Variants in CR1 observed in about 807,000 individuals in gnomAD.
CR1 encodes the protein complement C3b/C4b receptor 1 (Knops blood group).
Under a neutral mutation model 187.3 loss-of-function variants are expected in CR1, and 116 were observed. The ratio of observed to expected loss-of-function variants is 0.62; its 90% CI spans 0.53 to 0.72. The LOEUF (loss-of-function observed/expected upper bound fraction) is 0.72. Among genes scored for constraint, CR1 ranks in the 30% least tolerant of loss-of-function variants. The pLI is 0.00. For synonymous variants in CR1, 576 were observed against 747.1 expected (o/e 0.77, Z 3.73); for missense variants, 1,731 against 2,110.7 (o/e 0.82, Z 3.52).
intron 28 of CR1, among the ~76,000 whole-genome samples, chr1:207,576,183 C>A (rs924987378): frequency 6.6e-6 from 1 of 152,186 alleles, no homozygotes; most frequent in Non-Finnish European, 1.5e-5. Context: ...CAATTGCAAG[C>A]TAACAGGGAA....
At chr1:207,577,535 C>A (rs779127253) in intron 28 of CR1, among the ~76,000 whole-genome samples, 1 of 152,020 alleles carries the variant, frequency 6.6e-6, no homozygotes, top group Non-Finnish European at 1.5e-5. Flanking sequence ...TTTGAAAGGC[C>A]GAGGCAGGCG....
chr1:207,578,300 A>G, intron 29 of CR1, 97 bp downstream of exon 29: 1 of 1,602,986 alleles, frequency 6.2e-7, no homozygotes, highest in Non-Finnish European at 8.5e-7. Context: ...ATGTATGGTG[A>G]GGAGGGTGGG....
intron 35 of CR1, among the ~76,000 whole-genome samples, chr1:207,604,737 A>T (rs1661697519): frequency 6.6e-6 from 1 of 152,208 alleles, no homozygotes; most frequent in Admixed American, 6.5e-5. Flanking sequence ...GTGCCTTAAA[A>T]TACCTTCCAA....
chr1:207,501,599 A>G (rs1659271953), intron 1 of CR1, among the ~76,000 whole-genome samples: 1 of 152,170 alleles, frequency 6.6e-6, no homozygotes, highest in African/African-American at 2.4e-5. Context: ...TTTGCTTTTT[A>G]TAATTACCTA....
chr1:207,611,832 C>A lies in CR1; in HGVS notation c.6451C>A (p.Pro2151Thr). 6.2e-7 allele frequency: 1 copy of A among 1,613,974 alleles called. No individual in the cohort carries two copies. Among genetic ancestry groups the A allele is most frequent in the Non-Finnish European group, 8.5e-7 (1 of 1,179,886 alleles). The change falls in exon 38 of 47, where the codon CCT (proline) becomes ACT (threonine). Residue 2151 changes from proline to threonine, a missense_variant. Physicochemically the swap from Pro to Thr is conservative, Grantham distance 38. Transcript: ENST00000367049. ...CTGCACGCCCCAGGGAGACTGGAGC[C>A]CTGAAGCCCCTAGATGTACAGGTGC... ...LHCTPQGDWS[P>T]EAPRCTVKSC...
At chr1:207,607,129 C>T (rs572917227) in intron 35 of CR1, 122 bp from the exon 36 acceptor site, 261 of 667,346 alleles carry the variant, frequency 3.9e-4, no homozygotes, top group African/African-American at 3.2e-3. Flanking sequence ...TTCTTCCTTC[C>T]GAGGTCTGCC....
At chr1:207,515,084 C>T (rs1286280785) in intron 4 of CR1, among the ~76,000 whole-genome samples, 11 of 135,530 alleles carry the variant, frequency 8.1e-5, no homozygotes, top group Admixed American at 3.8e-4. Flanking sequence ...CGTATGCATA[C>T]GTGTATGTAT....
In CR1 at chr1:207,607,288, G is replaced by T. The variant is rs749631959; in HGVS notation, c.5848G>T (p.Val1950Phe). 30 of 1,613,460 alleles carry T rather than the reference G, an allele frequency of 1.9e-5. No individual in the cohort carries two copies. Among genetic ancestry groups the T allele is most frequent in the Non-Finnish European group, 2.5e-5 (30 of 1,179,534 alleles). Residue 1950 changes from valine (V) to phenylalanine (F), a missense_variant, in exon 36 of 47, where the codon GTC becomes TTC. This residue lies in a region of CR1 where 1,312 missense variants were observed against 1,379.6 expected (regional missense o/e 0.95). Coordinates refer to ENST00000367049, the MANE Select transcript of CR1 (RefSeq NM_000651.6). ...LIGSPSTTCL[V>F]SGNNVTWDKK... ...TGGTTCCCCATCTACTACTTGTCTC[G>T]TCTCAGGCAATAATGTCACATGGGA...
At chr1:207,513,762 C>CACTTCCTTCCTT (rs1659698379) in intron 4 of CR1, among the ~76,000 whole-genome samples, 1 of 99,138 alleles carries the variant, frequency 1.0e-5, no homozygotes, top group Non-Finnish European at 2.0e-5. Flanking sequence ...CTCCCTCCCT[C>CACTTCCTTCCTT]CCTTCCTTCC....
chr1:207,526,540 C>T (rs912562262), intron 5 of CR1, among the ~76,000 whole-genome samples: 1 of 151,410 alleles, frequency 6.6e-6, no homozygotes, highest in Non-Finnish European at 1.5e-5. Flanking sequence ...GGAGATACCT[C>T]TGTTTTAGTC....
chr1:207,566,188 T>C (rs974115876), intron 24 of CR1, among the ~76,000 whole-genome samples: 2 of 150,240 alleles, frequency 1.3e-5, no homozygotes, highest in Non-Finnish European at 2.9e-5. Flanking sequence ...AGAGATTAGA[T>C]AATGTGAAGC....
At chr1:207,514,233 C>T (rs1659715048) in intron 4 of CR1, among the ~76,000 whole-genome samples, 1 of 152,058 alleles carries the variant, frequency 6.6e-6, no homozygotes, top group Non-Finnish European at 1.5e-5. Flanking sequence ...GGCAAATATG[C>T]TTTTATGATA....
chr1:207,609,313 A>G lies in CR1; in HGVS notation c.5920A>G (p.Thr1974Ala). The change falls in exon 37 of 47, where the codon ACC becomes GCC. Residue 1974 changes from threonine to alanine, a missense_variant. Physicochemically the swap from Thr to Ala is moderately conservative, Grantham distance 58. Around this residue, in one of 5 missense-constraint regions of CR1, gnomAD observed 1,312 missense variants for 1,379.6 expected, o/e 0.95. Coordinates refer to ENST00000367049, the MANE Select transcript of CR1 (RefSeq NM_000651.6). ...CEIISCEPPP[T>A]ISNGDFYSNN... ...AGTCATATCTTGTGAGCCACCTCCAACCATATCCAATGGAGACTTCTACAG... is the reference window on the plus strand; with the variant it reads ...AGTCATATCTTGTGAGCCACCTCCAGCCATATCCAATGGAGACTTCTACAG... 1.2e-6 allele frequency: 2 copies of G among 1,613,574 alleles called. No individual in the cohort carries two copies. The highest frequency in any genetic ancestry group is 1.7e-6 in the Non-Finnish European group (2 of 1,179,606).
At chr1:207,587,276 G>C in intron 33 of CR1, 110 bp from the exon 34 acceptor site, 2 of 933,076 alleles carry the variant, frequency 2.1e-6, no homozygotes, top group South Asian at 3.9e-5. Flanking sequence ...TGCTATTCTT[G>C]TAAGTCTCTT....
chr1:207,506,664 A>T (rs1659443373), intron 2 of CR1, 50 bp from the exon 3 acceptor site: 11 of 1,500,040 alleles, frequency 7.3e-6, no homozygotes, highest in Non-Finnish European at 1.0e-5. Flanking sequence ...TACTAAAAAA[A>T]GTTTTTAGTT....
In CR1 at chr1:207,611,798, G is replaced by A. The variant is rs1192219537; in HGVS notation, c.6417G>A (p.Ala2139=). 6 of 1,613,860 alleles carry A rather than the reference G, an allele frequency of 3.7e-6. No individual in the cohort carries two copies. Among genetic ancestry groups the A allele is most frequent in the South Asian group, 2.2e-5 (2 of 91,090 alleles). Residue 2139 remains alanine (A), a synonymous_variant, in exon 38 of 47, where the codon GCG becomes GCA. Coordinates refer to ENST00000367049, the MANE Select transcript of CR1 (RefSeq NM_000651.6). ...CCAGCTATGACCTCAGAGGGGCTGCGTCTCTGCACTGCACGCCCCAGGGAG... is the reference window on the plus strand; with the variant it reads ...CCAGCTATGACCTCAGAGGGGCTGCATCTCTGCACTGCACGCCCCAGGGAG... ...CEPSYDLRGA[A]SLHCTPQGDW... is the part of the protein sequence containing the mutation.
chr1:207,580,723 G>C (rs1209823362), intron 31 of CR1, 110 bp downstream of exon 31: 2 of 969,312 alleles, frequency 2.1e-6, no homozygotes, highest in Non-Finnish European at 3.1e-6. Context: ...AATCCAGGGA[G>C]ATTAACCTCT....
Position 207,584,860 on chromosome 1 carries a change from A to T in CR1, c.5514A>T (p.Glu1838Asp). Residue 1838 changes from glutamate to aspartate, a missense_variant, in exon 33 of 47, where the codon GAA becomes GAT. Glu to Asp is a conservative substitution (Grantham distance 45). This residue lies in a region of CR1 where 1,312 missense variants were observed against 1,379.6 expected (regional missense o/e 0.95). Transcript: ENST00000367049. ...GGAGCAGCCCTGCCCCTCGCTGTGA[A>T]CTTTCTGTTCGTGCTGGTCAGTATC... ...GVWSSPAPRC[E>D]LSVRAGHCKT... is the part of the protein sequence containing the mutation. 1.2e-5 allele frequency: 19 copies of T among 1,613,910 alleles called. No homozygotes were observed. Among genetic ancestry groups the T allele is most frequent in the Non-Finnish European group, 1.6e-5 (19 of 1,179,856 alleles).
At chr1:207,599,805 G>A in intron 35 of CR1, among the ~76,000 whole-genome samples, 1 of 152,170 alleles carries the variant, frequency 6.6e-6, no homozygotes. Flanking sequence ...GTGTTTGATT[G>A]GGTTTGGAAA....
Sources: allele counts gnomAD v4.1 joint callset (sites outside exome capture counted in the v4.1 genomes callset), GRCh38; gene constraint gnomAD v4.1.1; regional missense constraint gnomAD v4.1.1; transcripts MANE v1.5; gene names NCBI Gene and HGNC (gene_info 2026-07-23, HGNC 2026-07-21).